MYH6: variants seen among roughly 807,000 people sequenced by gnomAD.
The protein encoded by MYH6 is myosin heavy chain 6.
Under a neutral mutation model 223.2 loss-of-function variants are expected in MYH6, and 126 were observed. The observed-to-expected ratio is 0.56, with a 90% CI of 0.49 to 0.65. The LOEUF (loss-of-function observed/expected upper bound fraction) is 0.65. MYH6 is among the 30% of genes least tolerant of loss of function. The pLI, the probability that MYH6 is intolerant of heterozygous loss-of-function variation, is 0.00. For synonymous variants in MYH6, 978 were observed against 1,010.2 expected, an observed-to-expected ratio of 0.97 and a Z score of 0.61; for missense variants, 2,040 against 2,536.4, an observed-to-expected ratio of 0.80 and a Z score of 4.20.
At chr14:23,404,593 G>T in intron 7 of MYH6, 118 bp downstream of exon 7, 1 of 1,147,324 alleles carries the variant, frequency 8.7e-7, no homozygotes, top group Non-Finnish European at 1.3e-6. Context: ...GCTGACCATC[G>T]GGAGCCCAGC....
rs1008561344 is a variant in MYH6 at position 23,386,157 on chromosome 14, G to A, written c.4960-26C>T. 1.9e-6 allele frequency: 3 copies of A among 1,614,134 alleles called. No individual in the cohort carries two copies. The African/African-American group carries it at 4.0e-5, about 22-fold the overall frequency. On this transcript the variant is annotated intron_variant, in intron 33 of 38. Coordinates refer to ENST00000405093, the MANE Select transcript of MYH6 (RefSeq NM_002471.4). ...CTGAGCATCAGGAGAGTGGGTGTGA[G>A]CAGAAGCCAGCCTCGGTGCCCTTCA...
chr14:23,383,339 G>GGGGGGGGGGGGGCCCCCCCCCCCCC lies in MYH6; in HGVS notation c.5566-20_5566-19insGGGGGGGGGGGGGCCCCCCCCCCCC. The GGGGGGGGGGGGGCCCCCCCCCCCCC allele has an allele frequency of 1.8e-5, 2 of 108,194 alleles. No individual in the cohort carries two copies. The highest frequency in any genetic ancestry group is 2.3e-4 in the East Asian group (1 of 4,410). 6.7% of individuals were successfully genotyped at this position (108,194 alleles called of 1,614,324 possible). A position where few individuals can be genotyped will look rare whatever the true frequency, so the allele number is the denominator to read the frequency against. On this transcript the variant is annotated intron_variant, in intron 36 of 38. Transcript: ENST00000405093. ...CCTCTGTCTGGGGGTGGGAGGGTGG[G>GGGGGGGGGGGGGCCCCCCCCCCCCC]AGAAGCTGGTTTGGAGGGGGAGCAA...
chr14:23,389,410 G>T lies in MYH6; in HGVS notation c.3961C>A (p.Leu1321Met), dbSNP rs1452786263. The T allele has an allele frequency of 3.7e-6, 6 of 1,614,148 alleles. No homozygotes were observed. In the East Asian group the frequency reaches 1.3e-4, roughly 36 times the overall value. Residue 1321 changes from leucine to methionine, a missense_variant, in exon 28 of 39, where the codon CTG becomes ATG. Transcript: ENST00000405093. ...GGCCTCACCTTGCCCTCCTCCTCCAGCTGCCTTTTGAGGTCCTCCATTTGC... is the reference window on the plus strand; with the variant it reads ...GGCCTCACCTTGCCCTCCTCCTCCATCTGCCTTTTGAGGTCCTCCATTTGC... ...TQQMEDLKRQ[L>M]EEEGKAKNAL...
At position 23,405,783 on chromosome 14, in the gene MYH6, C is replaced by G; in HGVS notation, c.202-13G>C. ...TCACAGTCACCGTCTGGAGGGGGCG[C>G]ATAAGCAGGAGGATGAGTGACCACA... On this transcript the variant is annotated splice_polypyrimidine_tract_variant and intron_variant, in intron 3 of 38. Coordinates refer to ENST00000405093, the MANE Select transcript of MYH6 (RefSeq NM_002471.4). This position sits in a 1 kb window ranked among gnomAD's most constrained non-coding sequence, Gnocchi z 4.7. The G allele has an allele frequency of 1.2e-6, 2 of 1,614,124 alleles. No homozygotes were observed. The highest frequency in any genetic ancestry group is 2.2e-5 in the South Asian group (2 of 91,086).
rs752964239 is a variant in MYH6 at position 23,397,555 on chromosome 14, C to T, written c.1950G>A (p.Ser650=). 47 of 1,614,056 alleles carry T rather than the reference C, an allele frequency of 2.9e-5. No homozygotes were observed. The highest frequency in any genetic ancestry group is 1.6e-4 in the Middle Eastern group (1 of 6,082). The part of the protein sequence containing the change: ...KKKGSSFQTV[S]ALHRENLNKL... ...GGGCCCTTCTTACCCGGTGGAGAGC[C>T]GACACCGTCTGGAAGGATGAGCCCT... The change falls in exon 16 of 39, where the codon TCG becomes TCA. Residue 650 remains serine, a synonymous_variant. Coordinates refer to ENST00000405093, the MANE Select transcript of MYH6 (RefSeq NM_002471.4).
At chr14:23,390,826 C>G (rs1459212061) in intron 25 of MYH6, among the ~76,000 whole-genome samples, 2 of 152,228 alleles carry the variant, frequency 1.3e-5, no homozygotes, top group African/African-American at 4.8e-5. Flanking sequence ...CCCAGATTCA[C>G]TAGGCTCTGT....
At chr14:23,398,527 A>G (rs1313369369) in intron 15 of MYH6, among the ~76,000 whole-genome samples, 1 of 152,226 alleles carries the variant, frequency 6.6e-6, no homozygotes, top group Non-Finnish European at 1.5e-5. Flanking sequence ...TGAGACAGCT[A>G]TATCAACACT....
chr14:23,390,854 G>A (rs979117931), intron 25 of MYH6, among the ~76,000 whole-genome samples: 7 of 152,098 alleles, frequency 4.6e-5, no homozygotes, highest in Non-Finnish European at 7.3e-5. Flanking sequence ...TTCATAAGAC[G>A]GGAAAATGAG....
intron 15 of MYH6, among the ~76,000 whole-genome samples, chr14:23,397,970 C>G (rs548084038): frequency 7.6e-6 from 1 of 132,276 alleles, no homozygotes; most frequent in Admixed American, 8.0e-5. Flanking sequence ...TCTTCTTCTT[C>G]TTCTTCTTCT....
rs780726611 is a variant in MYH6 at position 23,386,446 on chromosome 14, G to A, written c.4828C>T (p.Arg1610Cys). 3.8e-5 allele frequency: 62 copies of A among 1,614,010 alleles called. No homozygotes were observed. The Middle Eastern group carries it at 1.6e-3, about 43-fold the overall frequency. ...TTCTTCACCCTCAGGACCTCGTTGC[G>A]GCTGCGTGTCTCTGCATCCAGGGAG... is the stretch of plus-strand genomic sequence containing the variant. ...QTSLDAETRS[R>C]NEVLRVKKKM... is the part of the protein sequence containing the mutation. Residue 1610 changes from arginine (R) to cysteine (C), a missense_variant, in exon 33 of 39, where the codon CGC becomes TGC. Around this residue, in one of 4 missense-constraint regions of MYH6, gnomAD observed 1,203 missense variants for 1,400.2 expected, o/e 0.86. Transcript: ENST00000405093.
Position 23,405,058 on chromosome 14 carries a change from C to T in MYH6, c.530+42G>A, listed in dbSNP as rs1041493526. 3 of 1,614,012 alleles carry T rather than the reference C, an allele frequency of 1.9e-6. No homozygotes were observed. The Admixed American group carries it at 5.0e-5, about 27-fold the overall frequency. ...ACACCCTAGGCATCAGCGTGTATGC[C>T]CCCAGCCCAGTCCCTTCTGTGGGAG... On this transcript the variant is annotated intron_variant, in intron 6 of 38. Coordinates refer to ENST00000405093, the MANE Select transcript of MYH6 (RefSeq NM_002471.4). The surrounding 1 kb of genome is among the most constrained non-coding windows in gnomAD (Gnocchi z 4.7).
intron 13 of MYH6, 40 bp from the exon 14 acceptor site, chr14:23,400,466 G>A: frequency 1.2e-6 from 2 of 1,613,890 alleles, no homozygotes; most frequent in Non-Finnish European, 1.7e-6. Context: ...CAGAAAGTGG[G>A]TGTGAGTGGC....
chr14:23,397,395 C>A, intron 16 of MYH6, 138 bp from the exon 17 acceptor site: 2 of 1,260,540 alleles, frequency 1.6e-6, no homozygotes, highest in Non-Finnish European at 1.2e-6. Flanking sequence ...TGAGTTCAGG[C>A]TTTTGTGGAA....
At chr14:23,383,497 C>T (rs1207550375) in intron 36 of MYH6, among the ~76,000 whole-genome samples, 177 bp from the exon 37 acceptor site, 2 of 152,128 alleles carry the variant, frequency 1.3e-5, no homozygotes, top group Non-Finnish European at 1.5e-5. Context: ...AGGGGCAATG[C>T]AAGGTTGTCA....
chr14:23,383,144 G>C (rs1890908544), intron 37 of MYH6, 81 bp downstream of exon 37: 1 of 1,243,374 alleles, frequency 8.0e-7, no homozygotes, highest in Non-Finnish European at 1.2e-6. Context: ...TCTTTGTCCA[G>C]GCCCCTCTGT....
At chr14:23,384,410 C>T (rs1467352388) in intron 36 of MYH6, 32 bp downstream of exon 36, 2 of 1,606,086 alleles carry the variant, frequency 1.2e-6, no homozygotes, top group Non-Finnish European at 1.7e-6. Flanking sequence ...GAAACTTCCA[C>T]ATCTACTCCT....
intron 36 of MYH6, 98 bp downstream of exon 36, chr14:23,384,344 A>T: frequency 6.4e-7 from 1 of 1,563,040 alleles, no homozygotes; most frequent in Non-Finnish European, 8.7e-7. Context: ...TACCAACAGC[A>T]TCTCAAGGAG....
chr14:23,402,339 G>T, intron 12 of MYH6, 125 bp downstream of exon 12: 1 of 1,453,770 alleles, frequency 6.9e-7, no homozygotes, highest in Middle Eastern at 2.5e-4. Flanking sequence ...CCACGTCCCT[G>T]TCCCTCACCA....
At chr14:23,404,486 G>T in intron 7 of MYH6, 98 bp from the exon 8 acceptor site, 1 of 1,430,728 alleles carries the variant, frequency 7.0e-7, no homozygotes, top group Non-Finnish European at 9.9e-7. Flanking sequence ...GAATGGGGGT[G>T]CGGGGCTGGG....
Sources: allele counts gnomAD v4.1 joint callset (sites outside exome capture counted in the v4.1 genomes callset), GRCh38; gene constraint gnomAD v4.1.1; regional missense constraint gnomAD v4.1.1; non-coding constraint Gnocchi (gnomAD v3.1); transcripts MANE v1.5; gene names NCBI Gene and HGNC (gene_info 2026-07-23, HGNC 2026-07-21).